The following RGS12 variants were observed in gnomAD, a reference collection of about 807,000 sequenced individuals.
RGS12 encodes the protein regulator of G-protein signaling 12.
In RGS12, 66 loss-of-function variants were observed where a neutral mutation model predicts 120.1. That is an observed-to-expected ratio of 0.55 (90% confidence interval 0.45 to 0.67). The LOEUF (loss-of-function observed/expected upper bound fraction) is 0.67. Among genes scored for constraint, RGS12 ranks in the 30% least tolerant of loss-of-function variants. The probability of loss-of-function intolerance (pLI) is 0.00; values close to 1 mark genes in which losing one functional copy is unlikely to be tolerated. For missense variants in RGS12, 1,859 were observed against 1,957.7 expected, an observed-to-expected ratio of 0.95 and a Z score of 0.95; for synonymous variants, 827 against 804.7, an observed-to-expected ratio of 1.03 and a Z score of -0.47.
In RGS12 at chr4:3,343,036, T is replaced by A; in HGVS notation, c.1981T>A (p.Ser661Thr). ...ATCCAAGAGATTCAGTATCACTCGC[T>A]CCCTTGATGATCTTGAGGTAATTTA... Reference protein sequence around the residue: ...GRSKRFSITRSLDDLESATVS... With the variant: ...GRSKRFSITRTLDDLESATVS... Residue 661 changes from serine to threonine, a missense_variant, in exon 3 of 18, where the codon TCC becomes ACC. By Grantham distance (58) the Ser-to-Thr change is moderately conservative. Coordinates refer to ENST00000336727, the MANE Select transcript of RGS12 (RefSeq NM_001394154.1). 3 of 1,608,224 alleles carry A rather than the reference T, an allele frequency of 1.9e-6. No individual in the cohort carries two copies. Among genetic ancestry groups the A allele is most frequent in the Non-Finnish European group, 2.6e-6 (3 of 1,174,912 alleles).
At chr4:3,386,243 G>A (rs1560135659) in intron 3 of RGS12, 173 bp from the exon 4 acceptor site, 2 of 645,504 alleles carry the variant, frequency 3.1e-6, no homozygotes, top group Non-Finnish European at 2.8e-6. Flanking sequence ...CGGAGTGGGA[G>A]CCGTGACTCT....
intron 2 of RGS12, among the ~76,000 whole-genome samples, chr4:3,328,961 A>G (rs1317048216): frequency 2.0e-5 from 3 of 152,142 alleles, no homozygotes; most frequent in Non-Finnish European, 4.4e-5. Flanking sequence ...TCTACTAACC[A>G]TGTCCAGTCT....
chr4:3,286,868 G>A, the RGS12 span, among the ~76,000 whole-genome samples: 3 of 152,226 alleles, frequency 2.0e-5, no homozygotes, highest in Non-Finnish European at 4.4e-5. Context: ...TGGGAGCCCG[G>A]TCAGCAGTGC....
At chr4:3,416,145 G>C in intron 7 of RGS12, 24 bp downstream of exon 7, 1 of 1,613,228 alleles carries the variant, frequency 6.2e-7, no homozygotes, top group East Asian at 2.2e-5. Context: ...GTGGGAGCTT[G>C]TGGGGAGTCC....
chr4:3,316,707 T>G lies in RGS12; in HGVS notation c.537T>G (p.Phe179Leu). 6.2e-7 allele frequency: 1 copy of G among 1,614,238 alleles called. No individual in the cohort carries two copies. Among genetic ancestry groups the G allele is most frequent in the Non-Finnish European group, 8.5e-7 (1 of 1,180,038 alleles). ...RSLSESAATRFDVGHESINNP... is the reference protein window; with the variant it reads ...RSLSESAATRLDVGHESINNP... Reference sequence around the variant, plus strand: ...TTTCAGAGTCGGCCGCAACTCGATTTGATGTTGGACATGAAAGTATAAATA... The same window carrying G: ...TTTCAGAGTCGGCCGCAACTCGATTGGATGTTGGACATGAAAGTATAAATA... Residue 179 changes from phenylalanine to leucine, a missense_variant, in exon 2 of 18, where the codon TTT becomes TTG. Phe to Leu is a conservative substitution (Grantham distance 22, BLOSUM62 0). Transcript: ENST00000336727.
chr4:3,405,490 A>C (rs1250403242), intron 4 of RGS12, among the ~76,000 whole-genome samples: 1 of 152,194 alleles, frequency 6.6e-6, no homozygotes, highest in Non-Finnish European at 1.5e-5. Flanking sequence ...GGAACATTCC[A>C]GATGGAAGGA....
At chr4:3,367,932 C>T (rs1342849631) in intron 3 of RGS12, among the ~76,000 whole-genome samples, 3 of 152,232 alleles carry the variant, frequency 2.0e-5, no homozygotes, top group Admixed American at 6.5e-5. Context: ...GAATAAACCA[C>T]GTAGACAATG....
intron 1 of RGS12, among the ~76,000 whole-genome samples, chr4:3,301,077 T>TA (rs1433716679): frequency 6.6e-6 from 1 of 151,028 alleles, no homozygotes; most frequent in Non-Finnish European, 1.5e-5. Context: ...CCCTCCTCTG[T>TA]AACACGGGGT....
At chr4:3,318,188 G>T in intron 2 of RGS12, 137 bp downstream of exon 2, 2 of 754,930 alleles carry the variant, frequency 2.6e-6, no homozygotes, top group South Asian at 1.9e-5. Flanking sequence ...GCCATCACAG[G>T]GTGTCTGCGT....
intron 1 of RGS12, among the ~76,000 whole-genome samples, chr4:3,293,827 C>A (rs111324442): frequency 0.012 from 1,280 of 105,710 alleles, 20 homozygotes; most frequent in Middle Eastern, 0.088. Flanking sequence ...GAGTGTAGAC[C>A]GAGAGGGGGC....
At chr4:3,423,022 A>C in intron 12 of RGS12, 44 bp downstream of exon 12, 1 of 1,504,406 alleles carries the variant, frequency 6.6e-7, no homozygotes, top group Non-Finnish European at 9.2e-7. Flanking sequence ...TCCCAGAGCC[A>C]ACCCCGTGTG....
chr4:3,436,068 C>T (rs191004252), intron 17 of RGS12, among the ~76,000 whole-genome samples: 6 of 152,204 alleles, frequency 3.9e-5, no homozygotes, highest in Admixed American at 2.6e-4. Flanking sequence ...CTATCCCAGC[C>T]CCAGCCCATC....
At chr4:3,421,173 C>T (rs748298005) in intron 10 of RGS12, among the ~76,000 whole-genome samples, 59 of 152,192 alleles carry the variant, frequency 3.9e-4, no homozygotes, top group Non-Finnish European at 6.0e-4. Context: ...CACCCTCTCA[C>T]ACCTGCTCAC....
chr4:3,396,531 A>G (rs145625542), intron 4 of RGS12, among the ~76,000 whole-genome samples: 269 of 152,310 alleles, frequency 1.8e-3, no homozygotes, highest in Middle Eastern at 0.014. Flanking sequence ...TGAAAAGACA[A>G]TCCTTCCCAA....
At chr4:3,297,573 C>T (rs1245087579) in intron 1 of RGS12, among the ~76,000 whole-genome samples, 2 of 152,212 alleles carry the variant, frequency 1.3e-5, no homozygotes, top group Admixed American at 1.3e-4. Context: ...AAGCATTGCT[C>T]ATTACTGCGC....
chr4:3,320,529 T>C (rs1383448498), intron 2 of RGS12, among the ~76,000 whole-genome samples: 1 of 152,228 alleles, frequency 6.6e-6, no homozygotes, highest in Non-Finnish European at 1.5e-5. Context: ...TCACAGGGCA[T>C]GTGAGTGCTG....
At chr4:3,313,938 A>G (rs1578704553) in intron 1 of RGS12, among the ~76,000 whole-genome samples, 3 of 152,144 alleles carry the variant, frequency 2.0e-5, no homozygotes, top group East Asian at 1.9e-4. Flanking sequence ...AAGAAGATCG[A>G]TCCCCAGACG....
At chr4:3,428,245 G>T (rs780685928) in intron 15 of RGS12, 76 bp downstream of exon 15, 1 of 1,318,254 alleles carries the variant, frequency 7.6e-7, no homozygotes, top group Non-Finnish European at 1.1e-6. Flanking sequence ...CAGTGCCCTG[G>T]TGCTTCCTTA....
chr4:3,318,191 G>T, intron 2 of RGS12, 140 bp downstream of exon 2: 1 of 728,030 alleles, frequency 1.4e-6, no homozygotes. Flanking sequence ...ATCACAGGGT[G>T]TCTGCGTTGC....
Sources: gnomAD v4.1 joint callset for allele counts (sites outside exome capture counted in the v4.1 genomes callset) on GRCh38, gnomAD v4.1.1 for gene constraint, MANE v1.5 for transcripts, NCBI Gene and HGNC (gene_info 2026-07-23, HGNC 2026-07-21) for gene names.